MLPH: variants seen among roughly 807,000 people sequenced by gnomAD.
MLPH encodes exophilin-3.
Under a neutral mutation model 72.1 loss-of-function variants are expected in MLPH, and 51 were observed. The ratio of observed to expected loss-of-function variants is 0.71; its 90% CI spans 0.56 to 0.89. The LOEUF is 0.89. Ranked by LOEUF, MLPH falls within the 40% of genes least tolerant of loss-of-function variation. The pLI is 0.00. For missense variants in MLPH, 743 were observed against 759.9 expected (o/e 0.98, Z 0.26); for synonymous variants, 301 against 310.1 (o/e 0.97, Z 0.31).
At chr2:237,545,244 G>T (rs1245056842) in intron 12 of MLPH, among the ~76,000 whole-genome samples, 1 of 150,658 alleles carries the variant, frequency 6.6e-6, no homozygotes, top group African/African-American at 2.5e-5. Flanking sequence ...GGGCACAGTG[G>T]TGAGTGAGGG....
intron 2 of MLPH, among the ~76,000 whole-genome samples, chr2:237,507,067 T>C (rs1447541376): frequency 4.2e-4 from 59 of 141,872 alleles, no homozygotes; most frequent in African/African-American, 1.2e-3. Context: ...TTTTTCTTTT[T>C]TTTTTTTTTT....
chr2:237,501,651 A>G (rs2106476064), intron 2 of MLPH, among the ~76,000 whole-genome samples: 1 of 144,426 alleles, frequency 6.9e-6, no homozygotes, highest in Non-Finnish European at 1.5e-5. Context: ...ACATAGTGAA[A>G]CCACGTCTCT....
chr2:237,527,517 G>C lies in MLPH; in HGVS notation c.1020+1G>C. ...AGGCCGGGCGTCTTCTGAGAGTCAG[G>C]TAACGGTGGCTGGAAAGACTTCTGT... On this transcript the variant is annotated splice_donor_variant, in intron 8 of 15. Transcript: ENST00000264605. LOFTEE classifies it high-confidence loss of function. 6.2e-7 allele frequency: 1 copy of C among 1,614,118 alleles called. No individual in the cohort carries two copies. Among genetic ancestry groups the C allele is most frequent in the Non-Finnish European group, 8.5e-7 (1 of 1,180,030 alleles).
At chr2:237,534,105 CT>C (rs2080482410) in intron 8 of MLPH, among the ~76,000 whole-genome samples, 1 of 152,202 alleles carries the variant, frequency 6.6e-6, no homozygotes, top group Admixed American at 6.5e-5. Context: ...CTTCTGGTCC[CT>C]TTAGGTTGTC....
chr2:237,526,897 A>C (rs1254600035), intron 7 of MLPH, among the ~76,000 whole-genome samples: 5 of 152,186 alleles, frequency 3.3e-5, no homozygotes, highest in African/African-American at 1.2e-4. Context: ...GTTAGAACAA[A>C]TCGCTTAACC....
chr2:237,523,181 G>A (rs1251930668), intron 6 of MLPH, among the ~76,000 whole-genome samples: 1 of 152,186 alleles, frequency 6.6e-6, no homozygotes, highest in African/African-American at 2.4e-5. Context: ...AGTCTGGATT[G>A]TCAGTGTGAG....
chr2:237,518,146 G>A, intron 4 of MLPH: 1 of 354,184 alleles, frequency 2.8e-6, no homozygotes, highest in Non-Finnish European at 5.5e-6. Context: ...ATGGATGGGT[G>A]GGTAGGTGAA....
chr2:237,506,720 G>A (rs555154939), intron 2 of MLPH, among the ~76,000 whole-genome samples: 1 of 152,322 alleles, frequency 6.6e-6, no homozygotes, highest in African/African-American at 2.4e-5. Flanking sequence ...CCAGGGTGTG[G>A]CGCTGGGCTG....
chr2:237,510,792 C>T lies in MLPH; in HGVS notation c.329C>T (p.Ala110Val). 6.2e-7 allele frequency: 1 copy of T among 1,613,246 alleles called. No individual in the cohort carries two copies. Among genetic ancestry groups the T allele is most frequent in the Non-Finnish European group, 8.5e-7 (1 of 1,180,022 alleles). ...QGWICDPCHL[A>V]RVVKIGSLEW... ...TGGATCTGTGACCCCTGCCATCTGG[C>T]CAGGTGAGCCCAGGCCTTGAGGTAA... The change falls in exon 3 of 16, where the codon GCC becomes GTC. Residue 110 changes from alanine (A) to valine (V), a missense_variant. Physicochemically the swap from Ala to Val is moderately conservative, Grantham distance 64 (BLOSUM62 0). Transcript: ENST00000264605. This position sits in a 1 kb window ranked among gnomAD's most constrained non-coding sequence, Gnocchi z 4.4.
At chr2:237,550,859 T>C (rs754211046) in intron 14 of MLPH, among the ~76,000 whole-genome samples, 1 of 152,172 alleles carries the variant, frequency 6.6e-6, no homozygotes, top group African/African-American at 2.4e-5. Context: ...AAGAGATTCA[T>C]GTTTGTAGCA....
intron 2 of MLPH, among the ~76,000 whole-genome samples, chr2:237,497,313 G>C (rs2079555755): frequency 6.6e-6 from 1 of 152,226 alleles, no homozygotes; most frequent in Admixed American, 6.5e-5. Context: ...GATGTAAACA[G>C]TGTGGTGGCA....
intron 6 of MLPH, among the ~76,000 whole-genome samples, chr2:237,521,027 C>G (rs1010492902): frequency 6.6e-6 from 1 of 152,120 alleles, no homozygotes; most frequent in African/African-American, 2.4e-5. Context: ...GGGCTGCGAG[C>G]TTCAGGTGGA....
chr2:237,495,443 T>C (rs2079515490), intron 2 of MLPH, among the ~76,000 whole-genome samples: 2 of 152,188 alleles, frequency 1.3e-5, no homozygotes, highest in Middle Eastern at 3.4e-3. Context: ...TGGAAGGGAA[T>C]TTGGATGGGG....
intron 2 of MLPH, among the ~76,000 whole-genome samples, chr2:237,509,326 T>G (rs1271784600): frequency 6.6e-6 from 1 of 152,188 alleles, no homozygotes; most frequent in Non-Finnish European, 1.5e-5. Context: ...GCAGTACACA[T>G]GTCCTTGTCT....
intron 14 of MLPH, among the ~76,000 whole-genome samples, chr2:237,550,264 T>C (rs189618094): frequency 1.3e-5 from 2 of 152,190 alleles, no homozygotes; most frequent in Non-Finnish European, 1.5e-5. Context: ...TCAATCCCTC[T>C]TTCCAGCCAG....
At chr2:237,496,470 T>C (rs2079538071) in intron 2 of MLPH, among the ~76,000 whole-genome samples, 2 of 152,130 alleles carry the variant, frequency 1.3e-5, no homozygotes, top group South Asian at 4.2e-4. Context: ...TCATTTCACA[T>C]TGCAAAGAAG....
chr2:237,510,599 G>A lies in MLPH; in HGVS notation c.136G>A (p.Glu46Lys), dbSNP rs775270083. The change falls in exon 3 of 16, where the codon GAA (glutamate) becomes AAA (lysine). Residue 46 changes from glutamate to lysine, a missense_variant. Physicochemically the swap from Glu to Lys is moderately conservative, Grantham distance 56 (BLOSUM62 1). Coordinates refer to ENST00000264605, the MANE Select transcript of MLPH (RefSeq NM_024101.7). The surrounding 1 kb of genome is among the most constrained non-coding windows in gnomAD (Gnocchi z 4.4). ...LEALKGKIKK[E>K]SSKRELLSDT... is the part of the protein sequence containing the mutation. Reference sequence around the variant, plus strand: ...GGCGTTGAAGGGCAAGATTAAGAAGGAAAGCTCCAAGAGGGAGCTGCTTTC... The same window carrying A: ...GGCGTTGAAGGGCAAGATTAAGAAGAAAAGCTCCAAGAGGGAGCTGCTTTC... 4 of 1,613,438 alleles carry A rather than the reference G, an allele frequency of 2.5e-6. No individual in the cohort carries two copies. The highest frequency in any genetic ancestry group is 3.3e-5 in the Admixed American group (2 of 60,016).
intron 6 of MLPH, among the ~76,000 whole-genome samples, chr2:237,522,765 T>C (rs1172424588): frequency 6.6e-6 from 1 of 151,982 alleles, no homozygotes; most frequent in African/African-American, 2.4e-5. Context: ...GAAAGCTAAT[T>C]AATGGAAGGG....
chr2:237,527,963 C>G (rs1027292607), intron 8 of MLPH, among the ~76,000 whole-genome samples: 2 of 152,172 alleles, frequency 1.3e-5, no homozygotes, highest in African/African-American at 4.8e-5. Flanking sequence ...AGGAAAGAAA[C>G]GCTGACACAT....
Sources: gnomAD v4.1 joint callset for allele counts (sites outside exome capture counted in the v4.1 genomes callset) on GRCh38, gnomAD v4.1.1 for gene constraint, Gnocchi (gnomAD v3.1) non-coding constraint, MANE v1.5 for transcripts, NCBI Gene and HGNC (gene_info 2026-07-23, HGNC 2026-07-21) for gene names.